Variants in SGPP2 observed in about 807,000 individuals in gnomAD.
SGPP2 encodes sphingosine-1-phosphate phosphatase 2.
In SGPP2, 30 loss-of-function variants were observed where a neutral mutation model predicts 33.9. The observed-to-expected ratio is 0.89, with a 90% CI of 0.66 to 1.20. The LOEUF (loss-of-function observed/expected upper bound fraction) is 1.20, where lower values mean the gene tolerates loss of function less well. Among genes scored for constraint, SGPP2 ranks in the 50% most tolerant of loss-of-function variants. The probability of loss-of-function intolerance (pLI) is 0.00; values close to 1 mark genes in which losing one functional copy is unlikely to be tolerated. For missense variants in SGPP2, 458 were observed against 532.1 expected, an observed-to-expected ratio of 0.86 and a Z score of 1.37; for synonymous variants, 233 against 225.0, an observed-to-expected ratio of 1.04 and a Z score of -0.32.
Position 222,477,016 on chromosome 2 carries a change from T to C in SGPP2, c.378+2290T>C. Among the ~76,000 whole-genome samples the C allele has an allele frequency of 6.6e-6, 1 of 151,990 alleles. No homozygotes were observed. ...TATTTTGTGTATTTATGTGTGTATG[T>C]ATATAGGTGTGTATATATGTGTATG... On this transcript the variant is annotated intron_variant, in intron 2 of 4. Coordinates refer to ENST00000321276, the MANE Select transcript of SGPP2 (RefSeq NM_152386.4). This position sits in a 1 kb window ranked among gnomAD's most constrained non-coding sequence, Gnocchi z 6.0.
intron 1 of SGPP2, among the ~76,000 whole-genome samples, chr2:222,462,859 C>T (rs1018441361): frequency 6.6e-6 from 1 of 152,036 alleles, no homozygotes; most frequent in Non-Finnish European, 1.5e-5. Flanking sequence ...CAAAAATTCT[C>T]AGAGCACAAA....
chr2:222,534,042 G>T (rs2106143451), intron 4 of SGPP2, among the ~76,000 whole-genome samples: 1 of 152,250 alleles, frequency 6.6e-6, no homozygotes, highest in East Asian at 1.9e-4. Context: ...GTGCCTCCTG[G>T]CATCAGAAGC....
intron 2 of SGPP2, among the ~76,000 whole-genome samples, chr2:222,487,851 C>T (rs1260604453): frequency 6.6e-6 from 1 of 152,134 alleles, no homozygotes; most frequent in African/African-American, 2.4e-5. Context: ...TTAACACCCA[C>T]CTCCCTTCCA....
intron 1 of SGPP2, 29 bp downstream of exon 1, chr2:222,424,850 C>CG: frequency 7.6e-7 from 1 of 1,310,470 alleles, no homozygotes; most frequent in Non-Finnish European, 9.7e-7. Context: ...TCGCCGGGTA[C>CG]GGGGAGGGGG....
chr2:222,506,188 T>C (rs1026923352), intron 2 of SGPP2, among the ~76,000 whole-genome samples: 1 of 152,194 alleles, frequency 6.6e-6, no homozygotes. Flanking sequence ...GCTAATCACC[T>C]CCACGTGAAC....
intron 2 of SGPP2, among the ~76,000 whole-genome samples, chr2:222,480,243 C>G (rs1698008520): frequency 6.6e-6 from 1 of 152,222 alleles, no homozygotes; most frequent in South Asian, 2.1e-4. Context: ...GAGGCAAAAT[C>G]TCACTCACTT....
chr2:222,490,604 A>AT (rs60235375), intron 2 of SGPP2, among the ~76,000 whole-genome samples: 1,843 of 115,146 alleles, frequency 0.016, 22 homozygotes, highest in African/African-American at 0.033. Flanking sequence ...CACCTGGCTA[A>AT]TTTTTTTTTT....
chr2:222,535,666 A>C (rs900602517), intron 4 of SGPP2, among the ~76,000 whole-genome samples: 1 of 152,246 alleles, frequency 6.6e-6, no homozygotes, highest in Non-Finnish European at 1.5e-5. Flanking sequence ...TGGAGAAACC[A>C]GTTGGCCTCT....
At chr2:222,523,968 T>G (rs1318515841) in intron 3 of SGPP2, among the ~76,000 whole-genome samples, 2 of 152,168 alleles carry the variant, frequency 1.3e-5, no homozygotes, top group East Asian at 3.9e-4. Flanking sequence ...ACACTGGGCT[T>G]GGACTCAGAA....
intron 1 of SGPP2, among the ~76,000 whole-genome samples, chr2:222,433,044 A>T (rs2106057971): frequency 6.8e-6 from 1 of 146,100 alleles, no homozygotes; most frequent in South Asian, 2.3e-4. Flanking sequence ...AGAAAGAAAG[A>T]AAGAAAGAGA....
At chr2:222,516,359 T>C (rs1698603034) in intron 2 of SGPP2, among the ~76,000 whole-genome samples, 1 of 152,252 alleles carries the variant, frequency 6.6e-6, no homozygotes, top group Non-Finnish European at 1.5e-5. Context: ...GTCAATAGTT[T>C]ATTCATTTTT....
At chr2:222,472,668 G>A (rs1697863050) in intron 1 of SGPP2, among the ~76,000 whole-genome samples, 1 of 152,164 alleles carries the variant, frequency 6.6e-6, no homozygotes, top group African/African-American at 2.4e-5. Flanking sequence ...TTCTAATCTT[G>A]TGGCCTTTCA....
intron 1 of SGPP2, 33 bp downstream of exon 1, chr2:222,424,854 G>A (rs904074949): frequency 1.5e-6 from 2 of 1,304,768 alleles, no homozygotes; most frequent in African/African-American, 1.5e-5. Flanking sequence ...CGGGTACGGG[G>A]AGGGGGCGGC....
intron 2 of SGPP2, among the ~76,000 whole-genome samples, chr2:222,513,983 T>C (rs1698567374): frequency 6.6e-6 from 1 of 152,252 alleles, no homozygotes; most frequent in African/African-American, 2.4e-5. Flanking sequence ...ATCTTTTGTG[T>C]CTGGCTCACT....
chr2:222,435,211 G>A (rs910555636), intron 1 of SGPP2, among the ~76,000 whole-genome samples: 1 of 152,090 alleles, frequency 6.6e-6, no homozygotes, highest in African/African-American at 2.4e-5. Context: ...GGAGTCTAAT[G>A]TTTGAGAGCA....
At chr2:222,424,046 G>T (rs1195253910), upstream of SGPP2, among the ~76,000 whole-genome samples, 2 of 152,148 alleles carry the variant, frequency 1.3e-5, no homozygotes, top group African/African-American at 4.8e-5. Flanking sequence ...TGGGGGGCTC[G>T]CTGTATTTAC....
rs1022207633 is a variant in SGPP2 at position 222,510,766 on chromosome 2, G to A, written c.379-11001G>A. Among the ~76,000 whole-genome samples, 5 of 152,182 alleles carry A rather than the reference G, an allele frequency of 3.3e-5. No homozygotes were observed. The East Asian group carries it at 9.7e-4, about 29-fold the overall frequency. On this transcript the variant is annotated intron_variant, in intron 2 of 4. Transcript: ENST00000321276. Reference sequence around the variant, plus strand: ...ATTTTGCGGGGATGAAGACAAACAGGGGCAGCTCCGTAGTGTATACAAAAA... The same window carrying A: ...ATTTTGCGGGGATGAAGACAAACAGAGGCAGCTCCGTAGTGTATACAAAAA...
intron 1 of SGPP2, among the ~76,000 whole-genome samples, chr2:222,455,194 A>AC (rs199633917): frequency 5.5e-5 from 8 of 145,826 alleles, no homozygotes; most frequent in South Asian, 2.3e-4. Context: ...ACATAGTGAG[A>AC]CCCCCCACCA....
chr2:222,480,739 C>A (rs1373920219), intron 2 of SGPP2, among the ~76,000 whole-genome samples: 2 of 152,200 alleles, frequency 1.3e-5, no homozygotes, highest in African/African-American at 2.4e-5. Context: ...ATTCTGACTC[C>A]TTTTCCTGAA....
Sources: gnomAD v4.1 joint callset for allele counts (sites outside exome capture counted in the v4.1 genomes callset) on GRCh38, gnomAD v4.1.1 for gene constraint, Gnocchi (gnomAD v3.1) non-coding constraint, MANE v1.5 for transcripts, NCBI Gene and HGNC (gene_info 2026-07-23, HGNC 2026-07-21) for gene names.